The following HS6ST3 variants were observed in gnomAD, a reference collection of about 807,000 sequenced individuals.
HS6ST3 encodes the protein heparan-sulfate 6-O-sulfotransferase 3.
Under a neutral mutation model 36.7 loss-of-function variants are expected in HS6ST3, and 12 were observed. The observed-to-expected ratio is 0.33, with a 90% CI of 0.21 to 0.53. HS6ST3 has a LOEUF of 0.53. HS6ST3 is among the 20% of genes least tolerant of loss of function. The probability of loss-of-function intolerance (pLI) is 0.95; values close to 1 mark genes in which losing one functional copy is unlikely to be tolerated. For synonymous variants in HS6ST3, 240 were observed against 257.5 expected, an observed-to-expected ratio of 0.93 and a Z score of 0.65; for missense variants, 584 against 640.9, an observed-to-expected ratio of 0.91 and a Z score of 0.96.
chr13:96,122,352 G>A (rs1452498782), intron 1 of HS6ST3, among the ~76,000 whole-genome samples: 1 of 151,790 alleles, frequency 6.6e-6, no homozygotes, highest in Non-Finnish European at 1.5e-5. Flanking sequence ...ACAAAGACAT[G>A]TTCTTCTAAA....
intron 1 of HS6ST3, among the ~76,000 whole-genome samples, chr13:96,587,377 A>G (rs1482536932): frequency 6.6e-6 from 1 of 151,792 alleles, no homozygotes; most frequent in African/African-American, 2.4e-5. Context: ...TTGAATTTGT[A>G]ATTGTTTTGG....
At chr13:96,366,128 A>G (rs2055261322) in intron 1 of HS6ST3, among the ~76,000 whole-genome samples, 1 of 152,212 alleles carries the variant, frequency 6.6e-6, no homozygotes, top group South Asian at 2.1e-4. Flanking sequence ...ATATCTTTGA[A>G]TTCTTTTCAG....
chr13:96,102,537 TA>T (rs1421830916), intron 1 of HS6ST3, among the ~76,000 whole-genome samples: 3 of 152,184 alleles, frequency 2.0e-5, no homozygotes, highest in African/African-American at 7.2e-5. Flanking sequence ...CTTTGTCTTT[TA>T]AATTCAGACT....
chr13:96,346,473 G>C (rs894846604), intron 1 of HS6ST3, among the ~76,000 whole-genome samples: 50 of 151,980 alleles, frequency 3.3e-4, no homozygotes, highest in Non-Finnish European at 5.7e-4. Context: ...ACATTGGGAG[G>C]CTGAGGCAGG....
chr13:96,796,398 T>C (rs1473470284), intron 1 of HS6ST3, among the ~76,000 whole-genome samples: 2 of 152,086 alleles, frequency 1.3e-5, no homozygotes, highest in African/African-American at 4.8e-5. Flanking sequence ...AAAGGATCAC[T>C]TCACTGAACA....
intron 1 of HS6ST3, among the ~76,000 whole-genome samples, chr13:96,151,020 G>A (rs190821856): frequency 2.6e-4 from 40 of 152,266 alleles, no homozygotes; most frequent in Non-Finnish European, 5.3e-4. Context: ...CTAAGGACAT[G>A]CTTCATAGAC....
At chr13:96,359,560 G>T (rs1471422129) in intron 1 of HS6ST3, among the ~76,000 whole-genome samples, 2 of 152,140 alleles carry the variant, frequency 1.3e-5, no homozygotes, top group African/African-American at 4.8e-5. Flanking sequence ...AAATTAATCA[G>T]AACATTGGGG....
intron 1 of HS6ST3, among the ~76,000 whole-genome samples, chr13:96,597,395 T>C (rs1260450742): frequency 6.6e-6 from 1 of 151,976 alleles, no homozygotes; most frequent in Non-Finnish European, 1.5e-5. Flanking sequence ...TAGTATCTTA[T>C]TGTGGTTTTA....
At chr13:96,801,423 G>C (rs1878066751) in intron 1 of HS6ST3, among the ~76,000 whole-genome samples, 1 of 151,840 alleles carries the variant, frequency 6.6e-6, no homozygotes. Context: ...TGTCTTTCTA[G>C]GTTTATTTAC....
intron 1 of HS6ST3, among the ~76,000 whole-genome samples, chr13:96,614,328 A>C (rs12867069): frequency 7.5e-6 from 1 of 133,402 alleles, no homozygotes; most frequent in Non-Finnish European, 1.6e-5. Flanking sequence ...AAAAAAAAAA[A>C]CAGTTATTAC....
intron 1 of HS6ST3, among the ~76,000 whole-genome samples, chr13:96,722,715 A>G (rs1875879692): frequency 6.6e-6 from 1 of 152,106 alleles, no homozygotes; most frequent in African/African-American, 2.4e-5. Flanking sequence ...GGTGGGTCAC[A>G]CCTGTAATCC....
At chr13:96,112,617 A>ATATATATATC in intron 1 of HS6ST3, among the ~76,000 whole-genome samples, 1 of 121,884 alleles carries the variant, frequency 8.2e-6, no homozygotes, top group Non-Finnish European at 1.7e-5. Flanking sequence ...ATATATATAT[A>ATATATATATC]TATATGCCCG....
At chr13:96,708,533 T>C (rs903880489) in intron 1 of HS6ST3, among the ~76,000 whole-genome samples, 38 of 152,188 alleles carry the variant, frequency 2.5e-4, no homozygotes, top group Non-Finnish European at 5.9e-5. Context: ...TTGTCACCTG[T>C]ACTACTGTCC....
At chr13:96,106,976 C>G (rs1259845713) in intron 1 of HS6ST3, among the ~76,000 whole-genome samples, 1 of 152,186 alleles carries the variant, frequency 6.6e-6, no homozygotes. Context: ...TCTTCAGTAA[C>G]ATTTAACTGT....
chr13:96,377,702 T>C (rs2055321637), intron 1 of HS6ST3, among the ~76,000 whole-genome samples: 1 of 152,206 alleles, frequency 6.6e-6, no homozygotes, highest in South Asian at 2.1e-4. Context: ...TGTTTCCATT[T>C]GACGTGGCCC....
chr13:96,786,725 A>T (rs1364373342), intron 1 of HS6ST3, among the ~76,000 whole-genome samples: 2 of 152,204 alleles, frequency 1.3e-5, no homozygotes, highest in Non-Finnish European at 2.9e-5. Context: ...CTTAATTTTT[A>T]AATTATTTTT....
At chr13:96,094,235 A>G (rs1160605993) in intron 1 of HS6ST3, among the ~76,000 whole-genome samples, 1 of 152,184 alleles carries the variant, frequency 6.6e-6, no homozygotes, top group Non-Finnish European at 1.5e-5. Context: ...GAACTAAATG[A>G]ATCAATGCAT....
chr13:96,488,915 AATAG>A (rs2055930557), intron 1 of HS6ST3, among the ~76,000 whole-genome samples: 1 of 152,030 alleles, frequency 6.6e-6, no homozygotes, highest in Non-Finnish European at 1.5e-5. Context: ...TCTTGGGGAA[AATAG>A]ATATAAAAAA....
At chr13:96,776,862 A>G (rs925467423) in intron 1 of HS6ST3, among the ~76,000 whole-genome samples, 1 of 152,208 alleles carries the variant, frequency 6.6e-6, no homozygotes, top group African/African-American at 2.4e-5. Flanking sequence ...TCATCCTGAT[A>G]GAAAAACCTG....
Sources: allele counts gnomAD v4.1 joint callset (sites outside exome capture counted in the v4.1 genomes callset), GRCh38; gene constraint gnomAD v4.1.1; transcripts MANE v1.5; gene names NCBI Gene and HGNC (gene_info 2026-07-23, HGNC 2026-07-21).